KCNH7: variants seen among roughly 807,000 people sequenced by gnomAD.
The protein encoded by KCNH7 is potassium voltage-gated channel subfamily H member 7.
A neutral mutation model predicts 120.8 loss-of-function variants in KCNH7; 49 were observed. The ratio of observed to expected loss-of-function variants is 0.41; its 90% CI spans 0.32 to 0.51. KCNH7 has a LOEUF of 0.51. Ranked by LOEUF, KCNH7 falls within the 20% of genes least tolerant of loss-of-function variation. The pLI, the probability that KCNH7 is intolerant of heterozygous loss-of-function variation, is 0.38. For missense variants in KCNH7, 1,097 were observed against 1,446.6 expected (o/e 0.76, Z 3.92); for synonymous variants, 547 against 516.1 (o/e 1.06, Z -0.81).
intron 2 of KCNH7, among the ~76,000 whole-genome samples, chr2:162,583,142 T>C (rs1693933100): frequency 6.6e-6 from 1 of 152,076 alleles, no homozygotes; most frequent in Admixed American, 6.6e-5. Context: ...GCCTGACTAA[T>C]AGCTGTAAAC....
intron 14 of KCNH7, among the ~76,000 whole-genome samples, chr2:162,377,519 G>T (rs1686248233): frequency 6.6e-6 from 1 of 152,136 alleles, no homozygotes; most frequent in African/African-American, 2.4e-5. Flanking sequence ...GATTATCCTT[G>T]GCTACAAAGA....
intron 6 of KCNH7, among the ~76,000 whole-genome samples, chr2:162,491,906 C>T (rs1164598199): frequency 6.6e-6 from 1 of 152,136 alleles, no homozygotes; most frequent in African/African-American, 2.4e-5. Context: ...TTTCCTCGAA[C>T]TCTGTCTTCT....
chr2:162,409,790 C>A (rs764166619), intron 9 of KCNH7, among the ~76,000 whole-genome samples: 1 of 151,772 alleles, frequency 6.6e-6, no homozygotes, highest in Non-Finnish European at 1.5e-5. Context: ...ACCGATAACA[C>A]CCAAGTTCAG....
intron 6 of KCNH7, among the ~76,000 whole-genome samples, chr2:162,448,871 C>A (rs1474844438): frequency 1.3e-5 from 2 of 151,892 alleles, no homozygotes; most frequent in Admixed American, 6.6e-5. Flanking sequence ...AAATGGGAGT[C>A]CCCTTGAGGT....
intron 2 of KCNH7, among the ~76,000 whole-genome samples, chr2:162,757,722 C>T (rs953290972): frequency 1.3e-5 from 2 of 152,140 alleles, no homozygotes; most frequent in Admixed American, 6.5e-5. Context: ...TACATCATAT[C>T]AGACCTTGGA....
intron 2 of KCNH7, among the ~76,000 whole-genome samples, chr2:162,603,459 A>T (rs1694628628): frequency 1.3e-5 from 2 of 152,068 alleles, no homozygotes; most frequent in Non-Finnish European, 2.9e-5. Context: ...TCTGTTGTAT[A>T]TTTTCAAAAT....
intron 8 of KCNH7, among the ~76,000 whole-genome samples, chr2:162,428,865 C>A (rs1014186267): frequency 6.6e-6 from 1 of 151,656 alleles, no homozygotes; most frequent in African/African-American, 2.4e-5. Context: ...TATGAACATT[C>A]TTTTTAATTT....
chr2:162,525,953 C>CG (rs1558994918), intron 3 of KCNH7, among the ~76,000 whole-genome samples: 1 of 151,590 alleles, frequency 6.6e-6, no homozygotes, highest in Non-Finnish European at 1.5e-5. Context: ...TTTACTCTAT[C>CG]GGGGGAAATT....
intron 2 of KCNH7, among the ~76,000 whole-genome samples, chr2:162,689,060 C>T (rs1686005410): frequency 6.6e-6 from 1 of 151,948 alleles, no homozygotes. Context: ...CATCATACAT[C>T]TTCAATAAAT....
At chr2:162,780,918 G>A (rs1683456672) in intron 2 of KCNH7, among the ~76,000 whole-genome samples, 1 of 152,034 alleles carries the variant, frequency 6.6e-6, no homozygotes, top group Admixed American at 6.6e-5. Flanking sequence ...CTGGTAAAAT[G>A]ATATAACGTT....
intron 2 of KCNH7, among the ~76,000 whole-genome samples, chr2:162,750,506 A>G (rs1470961429): frequency 6.6e-6 from 1 of 152,180 alleles, no homozygotes; most frequent in Non-Finnish European, 1.5e-5. Flanking sequence ...GATAATTAAC[A>G]TAACCCATAA....
At chr2:162,435,031 T>C (rs1688192965) in intron 8 of KCNH7, among the ~76,000 whole-genome samples, 167 bp downstream of exon 8, 1 of 152,136 alleles carries the variant, frequency 6.6e-6, no homozygotes, top group Admixed American at 6.6e-5. Context: ...GTGTCTCTAC[T>C]TCACAGAGAG....
chr2:162,786,514 C>A (rs967715429), intron 2 of KCNH7, among the ~76,000 whole-genome samples: 1 of 151,880 alleles, frequency 6.6e-6, no homozygotes. Context: ...ATAAACCAAA[C>A]AAATTTTAAA....
intron 7 of KCNH7, among the ~76,000 whole-genome samples, chr2:162,442,038 A>C: frequency 7.0e-5 from 1 of 14,246 alleles, no homozygotes; most frequent in East Asian, 2.0e-3. Context: ...TTTTTTTGAG[A>C]TGGAGTCTCG....
intron 2 of KCNH7, among the ~76,000 whole-genome samples, chr2:162,800,756 C>T (rs983819887): frequency 2.0e-5 from 3 of 151,868 alleles, no homozygotes; most frequent in East Asian, 1.9e-4. Context: ...TCATCAATGT[C>T]GACCATGAAT....
intron 12 of KCNH7, among the ~76,000 whole-genome samples, chr2:162,386,751 C>A (rs1686584885): frequency 6.6e-6 from 1 of 151,660 alleles, no homozygotes; most frequent in Non-Finnish European, 1.5e-5. Context: ...ATTAATAAAC[C>A]ATTTTGTATC....
In KCNH7 at chr2:162,423,465, C is replaced by T. The variant is rs1162721463; in HGVS notation, c.2025G>A (p.Arg675=). 1.9e-6 allele frequency: 3 copies of T among 1,613,970 alleles called. No individual in the cohort carries two copies. The highest frequency in any genetic ancestry group is 1.7e-6 in the Non-Finnish European group (2 of 1,179,864). Residue 675 remains arginine, a synonymous_variant, in exon 9 of 16, where the codon AGG becomes AGA. Transcript: ENST00000332142. ...TTACTCGCAGCATCTGCATGTGGTACCTGGCAGTTCCCGAGTATAGTCTTT... is the reference window on the plus strand; with the variant it reads ...TTACTCGCAGCATCTGCATGTGGTATCTGGCAGTTCCCGAGTATAGTCTTT... ...IIQRLYSGTA[R]YHMQMLRVKE...
chr2:162,538,644 C>T (rs1692195614), intron 2 of KCNH7, among the ~76,000 whole-genome samples: 1 of 152,048 alleles, frequency 6.6e-6, no homozygotes, highest in Admixed American at 6.6e-5. Context: ...AAACTCTTTC[C>T]TTTCTTCTTA....
At chr2:162,437,194 G>T (rs1688269305) in intron 7 of KCNH7, among the ~76,000 whole-genome samples, 1 of 152,120 alleles carries the variant, frequency 6.6e-6, no homozygotes, top group South Asian at 2.1e-4. Flanking sequence ...AAGGGAAAGG[G>T]GATCCCTTAG....
Sources: gnomAD v4.1 joint callset for allele counts (sites outside exome capture counted in the v4.1 genomes callset) on GRCh38, gnomAD v4.1.1 for gene constraint, MANE v1.5 for transcripts, NCBI Gene and HGNC (gene_info 2026-07-23, HGNC 2026-07-21) for gene names.